Variants in TRPC5 observed in about 807,000 individuals in gnomAD.
The protein encoded by TRPC5 is short transient receptor potential channel 5.
In TRPC5, 9 loss-of-function variants were observed where a neutral mutation model predicts 56.5. The observed-to-expected ratio is 0.16, with a 90% confidence interval of 0.10 to 0.28. The LOEUF is 0.28. Ranked by LOEUF, TRPC5 falls within the 10% of genes least tolerant of loss-of-function variation. TRPC5 has a pLI of 1.00. For synonymous variants in TRPC5, 282 were observed against 278.5 expected (o/e 1.01, Z -0.13); for missense variants, 469 against 748.9 (o/e 0.63, Z 4.36).
chrX:112,081,409 G>C (rs1218185068), intron 1 of TRPC5, among the ~76,000 whole-genome samples: 1 of 111,340 alleles, frequency 9.0e-6, no homozygotes, highest in African/African-American at 3.3e-5. Context: ...TGGGGACCCT[G>C]GTTCCTGAAC....
At chrX:111,842,132 G>GTATATATATATATTATATATATATA (rs1406226710) in intron 6 of TRPC5, among the ~76,000 whole-genome samples, 9 of 77,169 alleles carry the variant, frequency 1.2e-4, no homozygotes, top group African/African-American at 1.0e-3. Flanking sequence ...ATATATATAT[G>GTATATATATATATTATATATATATA]TATATATATA....
chrX:111,820,069 T>A (rs1246056163), intron 7 of TRPC5, among the ~76,000 whole-genome samples: 1 of 112,289 alleles, frequency 8.9e-6, no homozygotes, highest in East Asian at 2.8e-4. Flanking sequence ...ATCCATCATC[T>A]AGGTAGATTT....
At chrX:111,831,899 G>A (rs1051851402) in intron 7 of TRPC5, among the ~76,000 whole-genome samples, 6 of 111,226 alleles carry the variant, frequency 5.4e-5, no homozygotes, top group Non-Finnish European at 1.1e-4. Context: ...ATTTTTTAAC[G>A]GATGAATCTG....
intron 3 of TRPC5, chrX:111,876,051 A>T (rs1371217505): frequency 9.1e-6 from 1 of 110,350 alleles, no homozygotes; most frequent in African/African-American, 3.3e-5. Context: ...AAAAAAAACT[A>T]GAAAAGACAA....
chrX:111,855,585 T>C (rs1247446879), intron 3 of TRPC5, among the ~76,000 whole-genome samples: 1 of 112,426 alleles, frequency 8.9e-6, no homozygotes, highest in East Asian at 2.8e-4. Flanking sequence ...AGATTACTGG[T>C]ATGAAACTAC....
rs1355584413 is a variant in TRPC5 at position 111,772,390 on chromosome X, T to G, written c.*3923A>C. On this transcript the variant is annotated 3_prime_UTR_variant, in exon 11 of 11. Transcript: ENST00000262839. ...GACTATGTCTATATGAGCAATCTTTTGAAAACTTGATTACCAAGAAAATAT... is the reference window on the plus strand; with the variant it reads ...GACTATGTCTATATGAGCAATCTTTGGAAAACTTGATTACCAAGAAAATAT... Among the ~76,000 whole-genome samples the G allele has an allele frequency of 8.9e-6, 1 of 112,189 alleles. No individual in the cohort carries two copies. Among genetic ancestry groups the G allele is most frequent in the Non-Finnish European group, 1.9e-5 (1 of 53,303 alleles).
chrX:112,006,859 T>C (rs2368451), intron 1 of TRPC5, among the ~76,000 whole-genome samples: 10,081 of 111,149 alleles, frequency 0.091, 736 homozygotes, highest in African/African-American at 0.25. Context: ...GGCTACATAA[T>C]TTGCAGGGCC....
Position 111,873,396 on chromosome X carries a change from T to G in TRPC5, c.901-19290A>C, listed in dbSNP as rs568983517. 9.6e-4 allele frequency among the ~76,000 whole-genome samples: 107 copies of G among 111,340 alleles called. 2 individuals are homozygous for G. The highest frequency in any genetic ancestry group is 8.5e-4 in the East Asian group (3 of 3,527). On this transcript the variant is annotated intron_variant, in intron 3 of 10. Transcript: ENST00000262839. ...AGGCTGAAGGACCACCTGTTGGGTA[T>G]TATGTTTACTGCCTGGGTGATGGGA...
chrX:111,822,829 C>T (rs1012987224), intron 7 of TRPC5, among the ~76,000 whole-genome samples: 1 of 111,538 alleles, frequency 9.0e-6, no homozygotes, highest in African/African-American at 3.3e-5. Context: ...GGCACTGGAA[C>T]CTTTCTGTCA....
intron 1 of TRPC5, among the ~76,000 whole-genome samples, chrX:112,025,046 C>T (rs1929378455): frequency 8.9e-6 from 1 of 112,216 alleles, no homozygotes; most frequent in African/African-American, 3.2e-5. Flanking sequence ...TGAAACTATT[C>T]ATACCAAATA....
At chrX:111,901,983 G>A (rs952943889) in intron 3 of TRPC5, 3 of 1,155,484 alleles carry the variant, frequency 2.6e-6, no homozygotes, top group Non-Finnish European at 2.3e-6. Context: ...GAAAATGGTA[G>A]AGCAGAAGAG....
At chrX:111,936,393 T>A (rs1926577268) in intron 2 of TRPC5, among the ~76,000 whole-genome samples, 1 of 109,656 alleles carries the variant, frequency 9.1e-6, no homozygotes, top group Non-Finnish European at 1.9e-5. Flanking sequence ...GTGCACAATG[T>A]GCAGGTTAGT....
At chrX:111,972,510 A>G (rs184886816) in intron 1 of TRPC5, among the ~76,000 whole-genome samples, 56 of 112,117 alleles carry the variant, frequency 5.0e-4, no homozygotes, top group African/African-American at 1.7e-3. Flanking sequence ...CAAAATTTTT[A>G]CAGGGGCAAA....
chrX:111,799,513 C>T (rs1921232598), intron 7 of TRPC5, among the ~76,000 whole-genome samples: 1 of 111,258 alleles, frequency 9.0e-6, no homozygotes, highest in South Asian at 3.8e-4. Context: ...ACTTTTAAGG[C>T]TCTTTTCACA....
chrX:111,938,823 G>C (rs1043478871), intron 2 of TRPC5, among the ~76,000 whole-genome samples: 3 of 111,651 alleles, frequency 2.7e-5, no homozygotes, highest in African/African-American at 9.8e-5. Flanking sequence ...ATAGTCTTTA[G>C]GTTTTTCCAA....
chrX:111,861,116 T>C (rs1923393534), intron 3 of TRPC5, among the ~76,000 whole-genome samples: 1 of 112,193 alleles, frequency 8.9e-6, no homozygotes, highest in Non-Finnish European at 1.9e-5. Flanking sequence ...TTTACCCTTG[T>C]GTTAGTTTGC....
At position 111,963,820 on chromosome X, in the gene TRPC5, C is replaced by A. The variant is rs188466457; in HGVS notation, c.-21-11379G>T. Among the ~76,000 whole-genome samples, 373 of 111,584 alleles carry A rather than the reference C, an allele frequency of 3.3e-3. 12 individuals carry two copies. The highest frequency in any genetic ancestry group is 0.011 in the South Asian group (28 of 2,601). ...AAGGACATCCACACCAAAAACACAT[C>A]TATACGTCAACATCATCAAAGACCA... On this transcript the variant is annotated intron_variant, in intron 1 of 10. Coordinates refer to ENST00000262839, the MANE Select transcript of TRPC5 (RefSeq NM_012471.3).
chrX:111,848,338 A>G (rs1166542645), intron 5 of TRPC5, among the ~76,000 whole-genome samples: 1 of 111,652 alleles, frequency 9.0e-6, no homozygotes, highest in Non-Finnish European at 1.9e-5. Flanking sequence ...AACTGCCTGT[A>G]TCTTTTAATT....
chrX:111,995,074 C>T (rs1017132326), intron 1 of TRPC5, among the ~76,000 whole-genome samples: 2 of 111,669 alleles, frequency 1.8e-5, no homozygotes, highest in African/African-American at 6.5e-5. Flanking sequence ...TAGTTTCTGC[C>T]CATTCTGTAT....
Sources: allele counts gnomAD v4.1 joint callset (sites outside exome capture counted in the v4.1 genomes callset), GRCh38; gene constraint gnomAD v4.1.1; transcripts MANE v1.5; gene names NCBI Gene and HGNC (gene_info 2026-07-23, HGNC 2026-07-21).